Variants in TTC28 observed in about 807,000 individuals in gnomAD.
TTC28 encodes the protein tetratricopeptide repeat protein 28.
A neutral mutation model predicts 198.0 loss-of-function variants in TTC28; 61 were observed. The observed-to-expected ratio is 0.31, with a 90% CI of 0.25 to 0.38. TTC28 has a LOEUF of 0.38. Among genes scored for constraint, TTC28 ranks in the 10% least tolerant of loss-of-function variants. The pLI, the probability that TTC28 is intolerant of heterozygous loss-of-function variation, is 1.00. For missense variants in TTC28, 2,678 were observed against 3,164.0 expected (o/e 0.85, Z 3.69); for synonymous variants, 1,171 against 1,297.8 (o/e 0.90, Z 2.10).
intron 2 of TTC28, among the ~76,000 whole-genome samples, chr22:28,525,915 T>C (rs557262963): frequency 6.6e-6 from 1 of 152,196 alleles, no homozygotes; most frequent in Non-Finnish European, 1.5e-5. Flanking sequence ...ACAAACACTA[T>C]AGTATCTACT....
At chr22:28,191,969 C>G (rs1264294039) in intron 5 of TTC28, among the ~76,000 whole-genome samples, 1 of 152,192 alleles carries the variant, frequency 6.6e-6, no homozygotes, top group Non-Finnish European at 1.5e-5. Flanking sequence ...AGCTGGAGAT[C>G]TGAGAACGGA....
chr22:28,427,277 T>C (rs908539199), intron 2 of TTC28, among the ~76,000 whole-genome samples: 1 of 152,260 alleles, frequency 6.6e-6, no homozygotes, highest in African/African-American at 2.4e-5. Context: ...TATTTTTCTC[T>C]TAACATCTTT....
intron 3 of TTC28, among the ~76,000 whole-genome samples, chr22:28,303,185 A>T (rs2045062230): frequency 6.6e-6 from 1 of 152,218 alleles, no homozygotes; most frequent in African/African-American, 2.4e-5. Flanking sequence ...GGTAAACTCA[A>T]TCTCACTTGG....
chr22:28,609,243 T>C (rs1270055736), intron 2 of TTC28, among the ~76,000 whole-genome samples: 1 of 152,186 alleles, frequency 6.6e-6, no homozygotes, highest in African/African-American at 2.4e-5. Context: ...AACCAAATAA[T>C]TCCAGAATTA....
intron 5 of TTC28, among the ~76,000 whole-genome samples, chr22:28,214,633 C>T (rs1444807905): frequency 6.6e-6 from 1 of 152,194 alleles, no homozygotes; most frequent in Non-Finnish European, 1.5e-5. Context: ...CAGGAAACAA[C>T]AGATGCTGGA....
intron 12 of TTC28, among the ~76,000 whole-genome samples, chr22:28,051,741 T>C (rs1940095498): frequency 6.6e-6 from 1 of 152,194 alleles, no homozygotes; most frequent in South Asian, 2.1e-4. Context: ...TGCATTCTAA[T>C]CCTTCCATTT....
chr22:28,079,059 G>C (rs947684186), intron 12 of TTC28, among the ~76,000 whole-genome samples: 4 of 152,184 alleles, frequency 2.6e-5, no homozygotes, highest in African/African-American at 9.7e-5. Flanking sequence ...CAGGCATACA[G>C]GTCAGCATAA....
At chr22:28,427,494 T>C (rs1350755015) in intron 2 of TTC28, among the ~76,000 whole-genome samples, 3 of 151,636 alleles carry the variant, frequency 2.0e-5, no homozygotes, top group Admixed American at 6.6e-5. Flanking sequence ...CTACTAAACA[T>C]ACAAAAAATT....
At chr22:28,165,632 A>G (rs1203772917) in intron 5 of TTC28, among the ~76,000 whole-genome samples, 1 of 152,228 alleles carries the variant, frequency 6.6e-6, no homozygotes, top group African/African-American at 2.4e-5. Context: ...AAATGTTGAC[A>G]GATTTTGTCA....
rs1040280113 is a variant in TTC28 at position 28,297,737 on chromosome 22, A to G, written c.645T>C (p.Ser215=). 1 of 1,551,550 alleles carries G rather than the reference A, an allele frequency of 6.4e-7. No homozygotes were observed. The highest frequency in any genetic ancestry group is 8.7e-7 in the Non-Finnish European group (1 of 1,146,998). The stretch of plus-strand genomic sequence containing the variant: ...TCAGTGCGGCTTCTAAGACAACCAC[A>G]GAGGCCCCATGATGGCCAGCTGTCA... ...ELLTAGHHGA[S]VVVLEAALKI... The change falls in exon 4 of 23, where the codon TCT becomes TCC. Residue 215 remains serine (S), a synonymous_variant. Coordinates refer to ENST00000397906, the MANE Select transcript of TTC28 (RefSeq NM_001145418.2).
At chr22:28,603,107 T>C (rs2050668539) in intron 2 of TTC28, among the ~76,000 whole-genome samples, 1 of 152,022 alleles carries the variant, frequency 6.6e-6, no homozygotes. Context: ...TCTCAATCTC[T>C]TGACCTCGTG....
rs2146526508 is a variant in TTC28, at chr22:27,993,460, T to A, written c.5303A>T (p.Gln1768Leu). 2 of 1,551,642 alleles carry A rather than the reference T, an allele frequency of 1.3e-6. No homozygotes were observed. Among genetic ancestry groups the A allele is most frequent in the East Asian group, 2.4e-5 (1 of 40,920 alleles). Residue 1768 changes from glutamine (Q) to leucine (L), a missense_variant, in exon 18 of 23, where the codon CAG (glutamine) becomes CTG (leucine). Around this residue, in one of 8 missense-constraint regions of TTC28, gnomAD observed 314 missense variants for 442.7 expected, o/e 0.71. Transcript: ENST00000397906. ...NGQRNAMYTS[Q>L]QSVENKVGGI... Reference sequence around the variant, plus strand: ...GCCCACTTTGTTCTCCACACTCTGCTGGGATGTGTACATGGCATTGCGCTG... The same window carrying A: ...GCCCACTTTGTTCTCCACACTCTGCAGGGATGTGTACATGGCATTGCGCTG...
intron 12 of TTC28, among the ~76,000 whole-genome samples, chr22:28,036,815 A>G (rs1293812710): frequency 6.6e-6 from 1 of 152,196 alleles, no homozygotes; most frequent in Non-Finnish European, 1.5e-5. Context: ...AAATAGACGC[A>G]ATAAAAAATG....
At chr22:28,195,821 G>A (rs976864892) in intron 5 of TTC28, among the ~76,000 whole-genome samples, 14 of 148,232 alleles carry the variant, frequency 9.4e-5, no homozygotes, top group East Asian at 2.0e-4. Flanking sequence ...TCCATGCTCC[G>A]GGATAGGAAG....
intron 2 of TTC28, among the ~76,000 whole-genome samples, chr22:28,551,803 C>G (rs976791934): frequency 1.3e-5 from 2 of 152,100 alleles, no homozygotes; most frequent in African/African-American, 2.4e-5. Context: ...AAGCATTCCC[C>G]CTGTGAACTG....
intron 2 of TTC28, among the ~76,000 whole-genome samples, chr22:28,337,986 T>C (rs1329405004): frequency 2.0e-5 from 3 of 152,198 alleles, no homozygotes; most frequent in Non-Finnish European, 4.4e-5. Context: ...TACCGGTTGT[T>C]CCTTTCCATG....
intron 5 of TTC28, among the ~76,000 whole-genome samples, chr22:28,234,665 C>T (rs754912652): frequency 3.3e-5 from 5 of 152,136 alleles, no homozygotes; most frequent in East Asian, 3.9e-4. Flanking sequence ...GAGCCACTAA[C>T]GCCCGGCCTC....
chr22:28,576,704 C>T (rs1019026803), intron 2 of TTC28, among the ~76,000 whole-genome samples: 1 of 151,988 alleles, frequency 6.6e-6, no homozygotes, highest in East Asian at 1.9e-4. Flanking sequence ...CTTCATGGCT[C>T]AATCTTGGTA....
At chr22:28,627,838 G>C (rs572229672) in intron 2 of TTC28, among the ~76,000 whole-genome samples, 2 of 152,274 alleles carry the variant, frequency 1.3e-5, no homozygotes, top group South Asian at 4.1e-4. Flanking sequence ...CAAGGCAGCA[G>C]CAATACTAGA....
Sources: gnomAD v4.1 joint callset for allele counts (sites outside exome capture counted in the v4.1 genomes callset) on GRCh38, gnomAD v4.1.1 for gene constraint, gnomAD v4.1.1 regional missense constraint, MANE v1.5 for transcripts, NCBI Gene and HGNC (gene_info 2026-07-23, HGNC 2026-07-21) for gene names.